Variants in SORCS3 observed in about 807,000 individuals in gnomAD.
SORCS3 encodes sortilin related VPS10 domain containing receptor 3.
Under a neutral mutation model 146.3 loss-of-function variants are expected in SORCS3, and 57 were observed. That is an observed-to-expected ratio of 0.39 (90% CI 0.31 to 0.49). The LOEUF is 0.49. Ranked by LOEUF, SORCS3 falls within the 20% of genes least tolerant of loss-of-function variation. SORCS3 has a pLI of 0.92. For missense variants in SORCS3, 1,341 were observed against 1,575.5 expected, an observed-to-expected ratio of 0.85 and a Z score of 2.52; for synonymous variants, 653 against 618.5, an observed-to-expected ratio of 1.06 and a Z score of -0.83.
At chr10:104,763,353 G>A (rs576266671) in intron 1 of SORCS3, among the ~76,000 whole-genome samples, 2 of 152,304 alleles carry the variant, frequency 1.3e-5, no homozygotes, top group East Asian at 1.9e-4. Context: ...TTTTCATGAA[G>A]CAAGCTATTT....
At chr10:105,122,522 C>A (rs1254592184) in intron 7 of SORCS3, among the ~76,000 whole-genome samples, 1 of 152,130 alleles carries the variant, frequency 6.6e-6, no homozygotes, top group East Asian at 1.9e-4. Context: ...CTGACTGATT[C>A]ATTCATTCAT....
chr10:104,840,557 TC>T (rs1268894764), intron 1 of SORCS3, among the ~76,000 whole-genome samples: 4 of 152,126 alleles, frequency 2.6e-5, no homozygotes, highest in Admixed American at 2.0e-4. Context: ...TATTTCTGTA[TC>T]CCCCATGTAT....
intron 3 of SORCS3, among the ~76,000 whole-genome samples, chr10:104,948,894 C>A (rs2019400094): frequency 6.6e-6 from 1 of 152,154 alleles, no homozygotes; most frequent in Admixed American, 6.5e-5. Flanking sequence ...TCATTCCGCC[C>A]AGCTACCCAC....
intron 1 of SORCS3, among the ~76,000 whole-genome samples, chr10:104,784,342 T>C (rs1448206645): frequency 6.6e-6 from 1 of 152,128 alleles, no homozygotes; most frequent in Admixed American, 6.5e-5. Context: ...CACCCTGCAA[T>C]ACCCAGGACA....
intron 3 of SORCS3, among the ~76,000 whole-genome samples, chr10:104,953,962 T>A (rs1382902326): frequency 6.6e-6 from 1 of 152,110 alleles, no homozygotes; most frequent in Non-Finnish European, 1.5e-5. Flanking sequence ...TGGAGTAAAT[T>A]CCCAGTGTGT....
intron 9 of SORCS3, among the ~76,000 whole-genome samples, chr10:105,155,174 A>C (rs1277499529): frequency 6.6e-6 from 1 of 152,174 alleles, no homozygotes; most frequent in African/African-American, 2.4e-5. Flanking sequence ...TGAAGTGCTC[A>C]GTCGGAAAAC....
intron 1 of SORCS3, among the ~76,000 whole-genome samples, chr10:104,722,854 T>G: frequency 6.6e-6 from 1 of 152,216 alleles, no homozygotes. Context: ...TTGCGTCTAT[T>G]TGATTCTTCT....
intron 1 of SORCS3, among the ~76,000 whole-genome samples, chr10:104,678,184 G>A (rs970075754): frequency 7.7e-5 from 10 of 129,778 alleles, no homozygotes; most frequent in Non-Finnish European, 1.8e-4. Flanking sequence ...AATACACATG[G>A]AAGACATCTT....
At chr10:105,119,740 T>C (rs1288021304) in intron 7 of SORCS3, among the ~76,000 whole-genome samples, 1 of 152,172 alleles carries the variant, frequency 6.6e-6, no homozygotes, top group Non-Finnish European at 1.5e-5. Flanking sequence ...GTGGTGCCTT[T>C]GTTCTGGCCA....
chr10:104,725,744 C>T (rs10786817), intron 1 of SORCS3, among the ~76,000 whole-genome samples: 39,312 of 152,082 alleles, frequency 0.26, 5,715 homozygotes, highest in East Asian at 0.63. Context: ...TAGCAATGAG[C>T]GAGGCTCCGT....
intron 1 of SORCS3, among the ~76,000 whole-genome samples, chr10:104,792,506 G>T (rs1458362558): frequency 6.6e-6 from 1 of 152,218 alleles, no homozygotes; most frequent in Non-Finnish European, 1.5e-5. Flanking sequence ...TCAAGGCAAT[G>T]AGTGTTTTAT....
intron 5 of SORCS3, among the ~76,000 whole-genome samples, chr10:105,089,270 G>A (rs1184420093): frequency 6.6e-6 from 1 of 152,212 alleles, no homozygotes; most frequent in Non-Finnish European, 1.5e-5. Context: ...GGAGACCTAG[G>A]ATTAAACTCA....
intron 1 of SORCS3, among the ~76,000 whole-genome samples, chr10:104,758,103 C>T (rs1377335085): frequency 1.3e-5 from 2 of 152,076 alleles, no homozygotes; most frequent in Non-Finnish European, 2.9e-5. Flanking sequence ...TTGACTAAGC[C>T]CCAGCAATGA....
At chr10:105,101,299 G>A (rs1371825937) in intron 6 of SORCS3, among the ~76,000 whole-genome samples, 1 of 152,128 alleles carries the variant, frequency 6.6e-6, no homozygotes, top group African/African-American at 2.4e-5. Flanking sequence ...ACCCTTGACA[G>A]CCACAGTTCC....
chr10:105,110,789 A>T (rs2055854428), intron 7 of SORCS3, among the ~76,000 whole-genome samples: 1 of 152,092 alleles, frequency 6.6e-6, no homozygotes, highest in African/African-American at 2.4e-5. Context: ...GAAAAGGGAG[A>T]AGCATCATTA....
intron 1 of SORCS3, among the ~76,000 whole-genome samples, chr10:104,682,995 C>CTT (rs1297785555): frequency 6.6e-6 from 1 of 152,176 alleles, no homozygotes; most frequent in Non-Finnish European, 1.5e-5. Flanking sequence ...GGGCCATTGG[C>CTT]TTTTAGCCAG....
chr10:105,133,307 G>A (rs2056035122), intron 7 of SORCS3, among the ~76,000 whole-genome samples: 1 of 152,180 alleles, frequency 6.6e-6, no homozygotes, highest in Non-Finnish European at 1.5e-5. Flanking sequence ...TTCTGCTTAA[G>A]CAGATTAATT....
intron 2 of SORCS3, among the ~76,000 whole-genome samples, chr10:104,910,104 GC>G (rs1395115928): frequency 6.6e-6 from 1 of 152,184 alleles, no homozygotes; most frequent in Non-Finnish European, 1.5e-5. Context: ...ATAGTCCCAA[GC>G]ACCTCTACGA....
intron 4 of SORCS3, among the ~76,000 whole-genome samples, chr10:105,031,160 T>C (rs2055263975): frequency 6.6e-6 from 1 of 150,792 alleles, no homozygotes; most frequent in Non-Finnish European, 1.5e-5. Context: ...TTAGCCAGGG[T>C]TGGTGGTGGG....
Sources: gnomAD v4.1 joint callset for allele counts (sites outside exome capture counted in the v4.1 genomes callset) on GRCh38, gnomAD v4.1.1 for gene constraint, MANE v1.5 for transcripts, NCBI Gene and HGNC (gene_info 2026-07-23, HGNC 2026-07-21) for gene names.